NT5DC1: variants seen among roughly 807,000 people sequenced by gnomAD.
NT5DC1 encodes the protein 5'-nucleotidase domain-containing protein 1.
In NT5DC1, 42 loss-of-function variants were observed where a neutral mutation model predicts 59.4. The observed-to-expected ratio is 0.71, with a 90% CI of 0.55 to 0.92. The LOEUF (loss-of-function observed/expected upper bound fraction) is 0.92, where lower values mean the gene tolerates loss of function less well. NT5DC1 is among the 40% of genes least tolerant of loss of function. The pLI, the probability that NT5DC1 is intolerant of heterozygous loss-of-function variation, is 0.00. For synonymous variants in NT5DC1, 172 were observed against 188.1 expected, an observed-to-expected ratio of 0.91 and a Z score of 0.70; for missense variants, 501 against 537.1, an observed-to-expected ratio of 0.93 and a Z score of 0.66.
intron 6 of NT5DC1, among the ~76,000 whole-genome samples, chr6:116,157,859 C>T (rs981456500): frequency 3.9e-5 from 6 of 152,156 alleles, no homozygotes; most frequent in Admixed American, 2.0e-4. Context: ...GCCTCTCATC[C>T]CTTGTATTGT....
At chr6:116,163,126 CAA>C (rs71272373) in intron 6 of NT5DC1, among the ~76,000 whole-genome samples, 10 of 84,292 alleles carry the variant, frequency 1.2e-4, no homozygotes, top group East Asian at 5.5e-4. Context: ...GACTCCGTCT[CAA>C]AAAAAAAAAA....
At chr6:116,151,324 A>G (rs1325306106) in intron 6 of NT5DC1, among the ~76,000 whole-genome samples, 2 of 152,246 alleles carry the variant, frequency 1.3e-5, no homozygotes, top group Admixed American at 1.3e-4. Context: ...GTGCATTTTT[A>G]CTCCACATAT....
At chr6:116,238,875 T>C (rs1782174290) in intron 10 of NT5DC1, 80 bp from the exon 11 acceptor site, 3 of 898,322 alleles carry the variant, frequency 3.3e-6, no homozygotes, top group East Asian at 2.4e-5. Context: ...TCAAAGTTTT[T>C]ATTTACTTAA....
intron 11 of NT5DC1, 41 bp from the exon 12 acceptor site, chr6:116,243,868 C>T (rs202220997): frequency 1.7e-4 from 126 of 743,760 alleles, no homozygotes; most frequent in Admixed American, 1.2e-3. Context: ...GAAAGGCATT[C>T]AGAGACCTGT....
chr6:116,236,233 T>C (rs1050792432), intron 8 of NT5DC1, among the ~76,000 whole-genome samples: 2 of 152,228 alleles, frequency 1.3e-5, no homozygotes, highest in Non-Finnish European at 2.9e-5. Context: ...CTGATAGATA[T>C]ATCATGTATT....
At chr6:116,116,346 AAAT>A (rs1489876666) in intron 5 of NT5DC1, among the ~76,000 whole-genome samples, 1 of 152,220 alleles carries the variant, frequency 6.6e-6, no homozygotes, top group Admixed American at 6.5e-5. Flanking sequence ...TGTCTTTTAA[AAAT>A]AACTACTTTT....
intron 6 of NT5DC1, among the ~76,000 whole-genome samples, chr6:116,194,508 T>C (rs1262030970): frequency 6.6e-6 from 1 of 151,964 alleles, no homozygotes; most frequent in Non-Finnish European, 1.5e-5. Context: ...TTTTATGTTG[T>C]GGGGAGTTAA....
At chr6:116,102,267 A>G (rs1562114806) in intron 1 of NT5DC1, among the ~76,000 whole-genome samples, 2 of 152,220 alleles carry the variant, frequency 1.3e-5, no homozygotes, top group Non-Finnish European at 2.9e-5. Context: ...AAGGTCAAAA[A>G]AGAGTGGCTG....
At chr6:116,167,206 ATTTT>A (rs61348980) in intron 6 of NT5DC1, among the ~76,000 whole-genome samples, 1 of 87,816 alleles carries the variant, frequency 1.1e-5, no homozygotes, top group African/African-American at 4.9e-5. Flanking sequence ...CAAATAGAAG[ATTTT>A]TTTTTTTTTT....
chr6:116,224,563 G>T (rs1433170063), intron 8 of NT5DC1, among the ~76,000 whole-genome samples: 1 of 152,234 alleles, frequency 6.6e-6, no homozygotes, highest in Non-Finnish European at 1.5e-5. Flanking sequence ...TGCAAGGCGA[G>T]CCCTAAGGGA....
chr6:116,120,241 A>G lies in NT5DC1; in HGVS notation c.529+2296A>G, dbSNP rs748777581. On this transcript the variant is annotated intron_variant, in intron 6 of 11. Coordinates refer to ENST00000319550, the MANE Select transcript of NT5DC1 (RefSeq NM_152729.3). Reference sequence around the variant, plus strand: ...CCAGGTAGCCTTTGGTGTATTCATCATAGGTGTACATTACAGGGGTGCCAT... The same window carrying G: ...CCAGGTAGCCTTTGGTGTATTCATCGTAGGTGTACATTACAGGGGTGCCAT... 1.7e-5 allele frequency: 28 copies of G among 1,614,094 alleles called. No homozygotes were observed. The Admixed American group carries it at 4.3e-4, about 25-fold the overall frequency.
intron 6 of NT5DC1, among the ~76,000 whole-genome samples, chr6:116,170,889 A>G (rs1780588141): frequency 6.6e-6 from 1 of 152,204 alleles, no homozygotes; most frequent in South Asian, 2.1e-4. Context: ...TTCAAACTGC[A>G]GCTTAAGGTC....
intron 8 of NT5DC1, among the ~76,000 whole-genome samples, chr6:116,230,075 A>C (rs1188217307): frequency 6.6e-6 from 1 of 152,096 alleles, no homozygotes; most frequent in Admixed American, 6.5e-5. Flanking sequence ...TTTTACCTCC[A>C]GTGTGCTATG....
chr6:116,238,886 T>TTA, intron 10 of NT5DC1, 69 bp from the exon 11 acceptor site: 2 of 1,009,648 alleles, frequency 2.0e-6, no homozygotes, highest in South Asian at 2.9e-5. Flanking sequence ...ATTTACTTAA[T>TTA]AGACAAAAAA....
intron 5 of NT5DC1, among the ~76,000 whole-genome samples, chr6:116,116,382 G>A (rs995005624): frequency 3.3e-5 from 5 of 152,142 alleles, no homozygotes; most frequent in Non-Finnish European, 4.4e-5. Context: ...AGTGGCTTAC[G>A]CCTGTAATCC....
chr6:116,191,427 A>G (rs1781115169), intron 6 of NT5DC1, among the ~76,000 whole-genome samples: 1 of 152,086 alleles, frequency 6.6e-6, no homozygotes, highest in Admixed American at 6.6e-5. Flanking sequence ...ACGGGAAAGA[A>G]GAGGAGGGAA....
intron 11 of NT5DC1, among the ~76,000 whole-genome samples, chr6:116,243,006 C>T (rs957162418): frequency 6.6e-6 from 1 of 152,148 alleles, no homozygotes; most frequent in Non-Finnish European, 1.5e-5. Flanking sequence ...TTCCTCCTTC[C>T]CAAGAATTGT....
intron 6 of NT5DC1, among the ~76,000 whole-genome samples, chr6:116,166,234 T>A (rs1241699216): frequency 1.3e-5 from 2 of 152,180 alleles, no homozygotes; most frequent in Non-Finnish European, 1.5e-5. Context: ...CAACAGATCC[T>A]GGCTATCTTC....
chr6:116,104,729 T>C (rs1778735629), intron 1 of NT5DC1, among the ~76,000 whole-genome samples: 1 of 152,248 alleles, frequency 6.6e-6, no homozygotes, highest in Non-Finnish European at 1.5e-5. Flanking sequence ...CTAAGCATTT[T>C]ACATCTGTTA....
Sources: allele counts gnomAD v4.1 joint callset (sites outside exome capture counted in the v4.1 genomes callset), GRCh38; gene constraint gnomAD v4.1.1; transcripts MANE v1.5; gene names NCBI Gene and HGNC (gene_info 2026-07-23, HGNC 2026-07-21).